The following ASAP2 variants were observed in gnomAD, a reference collection of about 807,000 sequenced individuals.
The protein encoded by ASAP2 is ArfGAP with SH3 domain, ankyrin repeat and PH domain 2, also known as arf-GAP with SH3 domain, ANK repeat and PH domain-containing protein 2.
Under a neutral mutation model 131.4 loss-of-function variants are expected in ASAP2, and 45 were observed. The observed-to-expected ratio is 0.34, with a 90% CI of 0.27 to 0.44. ASAP2 has a LOEUF of 0.44. Among genes scored for constraint, ASAP2 ranks in the 20% least tolerant of loss-of-function variants. The probability of loss-of-function intolerance (pLI) is 1.00; values close to 1 mark genes in which losing one functional copy is unlikely to be tolerated. For missense variants in ASAP2, 1,011 were observed against 1,297.0 expected, an observed-to-expected ratio of 0.78 and a Z score of 3.39; for synonymous variants, 510 against 503.0, an observed-to-expected ratio of 1.01 and a Z score of -0.19.
chr2:9,387,193 A>G (rs527688573), intron 21 of ASAP2, among the ~76,000 whole-genome samples: 350 of 141,564 alleles, frequency 2.5e-3, no homozygotes, highest in Non-Finnish European at 3.9e-3. Context: ...CAGCCTGGGC[A>G]ACAGAGAGAG....
intron 1 of ASAP2, among the ~76,000 whole-genome samples, chr2:9,259,442 G>A (rs1665421154): frequency 6.6e-6 from 1 of 152,200 alleles, no homozygotes; most frequent in Non-Finnish European, 1.5e-5. Context: ...TGCCCAGGCT[G>A]GGGTGCCCCT....
At chr2:9,222,284 G>C (rs1445799201) in intron 1 of ASAP2, among the ~76,000 whole-genome samples, 1 of 152,218 alleles carries the variant, frequency 6.6e-6, no homozygotes, top group African/African-American at 2.4e-5. Context: ...AAAATAGGAA[G>C]ATTTGCTTGC....
rs551554603 is a variant in ASAP2 at position 9,311,369 on chromosome 2, GA to G, written c.346-7146del. 2.1e-3 allele frequency among the ~76,000 whole-genome samples: 306 copies of G among 149,264 alleles called. 1 individual carries two copies. Among genetic ancestry groups the G allele is most frequent in the African/African-American group, 7.3e-3 (297 of 40,526 alleles). ...AGAGGCACTCTCTCAAAAAAAAAAAGAAAAAAAAAGTTTGCCTGCTTGTTGG... is the reference window on the plus strand; with the variant it reads ...AGAGGCACTCTCTCAAAAAAAAAAAGAAAAAAAAGTTTGCCTGCTTGTTGG... On this transcript the variant is annotated intron_variant, in intron 3 of 27. Transcript: ENST00000281419. The surrounding 1 kb of genome is among the most constrained non-coding windows in gnomAD (Gnocchi z 5.2).
intron 9 of ASAP2, among the ~76,000 whole-genome samples, chr2:9,340,164 A>C (rs2148586408): frequency 6.6e-6 from 1 of 152,340 alleles, no homozygotes; most frequent in Non-Finnish European, 1.5e-5. Flanking sequence ...CTGGGATTAC[A>C]GGTACGCGCC....
intron 3 of ASAP2, among the ~76,000 whole-genome samples, chr2:9,317,690 ACCCTCACACG>A (rs1197737039): frequency 6.7e-6 from 1 of 148,342 alleles, no homozygotes; most frequent in Non-Finnish European, 1.5e-5. Flanking sequence ...ACATCCTGAA[ACCCTCACACG>A]CCCACACACA....
chr2:9,218,609 C>G (rs531021269), intron 1 of ASAP2, among the ~76,000 whole-genome samples: 2 of 151,984 alleles, frequency 1.3e-5, no homozygotes, highest in Admixed American at 1.3e-4. Context: ...TACTGTATTC[C>G]CCTGATAGCC....
intron 24 of ASAP2, among the ~76,000 whole-genome samples, chr2:9,394,226 G>A (rs1054278887): frequency 2.8e-5 from 4 of 143,518 alleles, no homozygotes; most frequent in Admixed American, 2.2e-4. Context: ...GTGCAGTGGC[G>A]TGATCTCGGC....
At chr2:9,402,446 A>G (rs1402710577) in intron 27 of ASAP2, among the ~76,000 whole-genome samples, 1 of 152,180 alleles carries the variant, frequency 6.6e-6, no homozygotes, top group African/African-American at 2.4e-5. Context: ...CCTGGCCAAC[A>G]TGGTTCTCTA....
At chr2:9,362,037 G>A (rs769220069) in intron 15 of ASAP2, among the ~76,000 whole-genome samples, 2 of 149,026 alleles carry the variant, frequency 1.3e-5, no homozygotes, top group South Asian at 2.1e-4. Context: ...CTGACACACC[G>A]TTAAGAACCA....
chr2:9,370,852 G>C (rs1034656754), intron 16 of ASAP2, among the ~76,000 whole-genome samples: 1 of 152,162 alleles, frequency 6.6e-6, no homozygotes, highest in Non-Finnish European at 1.5e-5. Flanking sequence ...TGAGGGTCCC[G>C]CTTGGTGAAG....
At position 9,377,010 on chromosome 2, in the gene ASAP2, T is replaced by G. The variant is rs2148723546; in HGVS notation, c.1832+17T>G. ...TCAGAACAGGTAGGTGTTCTGAAAT[T>G]AAGGGAGGCACTCGTTTTCTCCTTG... is the stretch of plus-strand genomic sequence containing the variant. On this transcript the variant is annotated intron_variant, in intron 18 of 27. Coordinates refer to ENST00000281419, the MANE Select transcript of ASAP2 (RefSeq NM_003887.3). The G allele has an allele frequency of 6.2e-7, 1 of 1,600,704 alleles. No individual in the cohort carries two copies. The highest frequency in any genetic ancestry group is 1.1e-5 in the South Asian group (1 of 90,356).
At chr2:9,310,275 T>C (rs1230081621) in intron 3 of ASAP2, among the ~76,000 whole-genome samples, 1 of 152,234 alleles carries the variant, frequency 6.6e-6, no homozygotes, top group Non-Finnish European at 1.5e-5. Flanking sequence ...AAATTGGGCA[T>C]ATTCAAATAA....
At chr2:9,290,272 C>T (rs1354079968) in intron 2 of ASAP2, among the ~76,000 whole-genome samples, 7 of 152,200 alleles carry the variant, frequency 4.6e-5, no homozygotes, top group African/African-American at 1.2e-4. Flanking sequence ...CACAGTGGCA[C>T]GATCTCGGCT....
At chr2:9,222,741 G>A (rs1662514630) in intron 1 of ASAP2, among the ~76,000 whole-genome samples, 2 of 152,082 alleles carry the variant, frequency 1.3e-5, no homozygotes, top group Non-Finnish European at 1.5e-5. Flanking sequence ...GGGTGTGTTC[G>A]CTAGCAGGAA....
In ASAP2 at chr2:9,376,914, G is replaced by A. The variant is rs1674447925; in HGVS notation, c.1753G>A (p.Asp585Asn). The change falls in exon 18 of 28, where the codon GAT becomes AAT. Residue 585 changes from aspartate to asparagine, a missense_variant. Coordinates refer to ENST00000281419, the MANE Select transcript of ASAP2 (RefSeq NM_003887.3). ...KIPLANGHEP[D>N]ETALHLAVRS... ...CCTTTGTTTGGTTTTTCAGGAGCCG[G>A]ATGAAACGGCCCTCCACCTTGCAGT... is the stretch of plus-strand genomic sequence containing the variant. 1.9e-6 allele frequency: 3 copies of A among 1,614,142 alleles called. No individual in the cohort carries two copies. The highest frequency in any genetic ancestry group is 2.5e-6 in the Non-Finnish European group (3 of 1,180,006).
intron 1 of ASAP2, among the ~76,000 whole-genome samples, chr2:9,256,788 C>A (rs1252665236): frequency 6.6e-6 from 1 of 152,192 alleles, no homozygotes; most frequent in Admixed American, 6.5e-5. Flanking sequence ...CAGCAAGAGA[C>A]CTTTTTAATC....
chr2:9,344,522 C>T lies in ASAP2; in HGVS notation c.850-10C>T. 1 of 1,609,244 alleles carries T rather than the reference C, an allele frequency of 6.2e-7. No homozygotes were observed. The highest frequency in any genetic ancestry group is 8.5e-7 in the Non-Finnish European group (1 of 1,176,122). ...ACAAGATTAAAAACACACTCTTCAC[C>T]ATTTTTTAGGACTCCCAAATTCGTC... is the stretch of plus-strand genomic sequence containing the variant. On this transcript the variant is annotated splice_polypyrimidine_tract_variant and intron_variant, in intron 9 of 27. Transcript: ENST00000281419.
chr2:9,372,985 C>T (rs372684615), intron 16 of ASAP2, among the ~76,000 whole-genome samples: 24 of 152,222 alleles, frequency 1.6e-4, no homozygotes, highest in Admixed American at 6.5e-4. Context: ...TGCTGTTATT[C>T]GAGGGCCTGT....
intron 1 of ASAP2, among the ~76,000 whole-genome samples, chr2:9,272,135 A>T (rs1666442627): frequency 6.6e-6 from 1 of 152,068 alleles, no homozygotes; most frequent in Non-Finnish European, 1.5e-5. Flanking sequence ...GAACCTCCAT[A>T]CTGTTCTCCA....
Sources: allele counts gnomAD v4.1 joint callset (sites outside exome capture counted in the v4.1 genomes callset), GRCh38; gene constraint gnomAD v4.1.1; non-coding constraint Gnocchi (gnomAD v3.1); transcripts MANE v1.5; gene names NCBI Gene and HGNC (gene_info 2026-07-23, HGNC 2026-07-21).